The following ZCWPW2 variants were observed in gnomAD, a reference collection of about 807,000 sequenced individuals.
ZCWPW2 encodes zinc finger CW-type PWWP domain protein 2.
A neutral mutation model predicts 46.6 loss-of-function variants in ZCWPW2; 45 were observed. The ratio of observed to expected loss-of-function variants is 0.96; its 90% CI spans 0.76 to 1.24. The LOEUF (loss-of-function observed/expected upper bound fraction) is 1.24, where lower values mean the gene tolerates loss of function less well. Among genes scored for constraint, ZCWPW2 ranks in the 50% most tolerant of loss-of-function variants. The pLI is 0.00. For missense variants in ZCWPW2, 429 were observed against 403.9 expected (o/e 1.06, Z -0.53); for synonymous variants, 152 against 137.1 (o/e 1.11, Z -0.76).
At chr3:28,380,738 C>G (rs1005812238) in intron 1 of ZCWPW2, among the ~76,000 whole-genome samples, 59 of 151,512 alleles carry the variant, frequency 3.9e-4, no homozygotes, top group African/African-American at 1.4e-3. Context: ...CCATTTTTCC[C>G]TACATGGAAT....
chr3:28,408,891 G>A (rs983533492), intron 2 of ZCWPW2, among the ~76,000 whole-genome samples: 4 of 152,038 alleles, frequency 2.6e-5, no homozygotes, highest in South Asian at 4.1e-4. Flanking sequence ...TTTTGGTACA[G>A]GGAAAGACAT....
rs544936656 is a variant in ZCWPW2 at position 28,498,852 on chromosome 3, A to G, written c.657+6679A>G. Among the ~76,000 whole-genome samples, 7 of 151,830 alleles carry G rather than the reference A, an allele frequency of 4.6e-5. No homozygotes were observed. The East Asian group carries it at 1.4e-3, about 30-fold the overall frequency. ...GTGTGATGTTCCCCTCCCTGTGTCC[A>G]CGTGTTCATTGTTCAACTCCCATTT... is the stretch of plus-strand genomic sequence containing the variant. On this transcript the variant is annotated intron_variant, in intron 6 of 9. Coordinates refer to ENST00000383768, the MANE Select transcript of ZCWPW2 (RefSeq NM_001040432.4).
intron 4 of ZCWPW2, among the ~76,000 whole-genome samples, chr3:28,439,601 C>T (rs1449669858): frequency 2.6e-5 from 4 of 152,172 alleles, no homozygotes; most frequent in Admixed American, 2.6e-4. Flanking sequence ...CTCCTGAGAT[C>T]ATACATAATC....
chr3:28,509,292 T>G (rs1192603338), intron 6 of ZCWPW2, among the ~76,000 whole-genome samples: 1 of 152,184 alleles, frequency 6.6e-6, no homozygotes, highest in Non-Finnish European at 1.5e-5. Flanking sequence ...TGAACAATCA[T>G]GTACTGGTTC....
chr3:28,447,727 G>T (rs1575146088), intron 4 of ZCWPW2: 2 of 587,712 alleles, frequency 3.4e-6, no homozygotes, highest in East Asian at 3.4e-5. Flanking sequence ...CACTCAGAAT[G>T]GTCCAGCATT....
intron 1 of ZCWPW2, among the ~76,000 whole-genome samples, chr3:28,360,476 T>C (rs1704899432): frequency 1.3e-5 from 2 of 150,398 alleles, no homozygotes; most frequent in East Asian, 2.0e-4. Flanking sequence ...TGAGTCGAGA[T>C]TGCACCACGG....
At position 28,374,004 on chromosome 3, in the gene ZCWPW2, T is replaced by G. The variant is rs564001986; in HGVS notation, c.-133-16494T>G. 3.9e-5 allele frequency among the ~76,000 whole-genome samples: 6 copies of G among 152,302 alleles called. No homozygotes were observed. The East Asian group carries it at 1.2e-3, about 29-fold the overall frequency. On this transcript the variant is annotated intron_variant, in intron 1 of 9. Transcript: ENST00000383768. Reference sequence around the variant, plus strand: ...AGCTTTTTGGCTTCATGTGATCTTATTTGTTTATTTTTGCTTTTGTTGCCT... The same window carrying G: ...AGCTTTTTGGCTTCATGTGATCTTAGTTGTTTATTTTTGCTTTTGTTGCCT...
At chr3:28,424,614 A>G (rs1309011143) in intron 3 of ZCWPW2, among the ~76,000 whole-genome samples, 2 of 152,158 alleles carry the variant, frequency 1.3e-5, no homozygotes, top group Non-Finnish European at 2.9e-5. Context: ...TTGATCTTAT[A>G]TGTTAATCCC....
At position 28,524,817 on chromosome 3, in the gene ZCWPW2, C is replaced by A; in HGVS notation, c.*129C>A. 1 of 778,342 alleles carries A rather than the reference C, an allele frequency of 1.3e-6. No homozygotes were observed. Among genetic ancestry groups the A allele is most frequent in the Non-Finnish European group, 1.8e-6 (1 of 570,870 alleles). 48.2% of individuals were successfully genotyped at this position (778,342 alleles called of 1,614,324 possible). On this transcript the variant is annotated 3_prime_UTR_variant, in exon 10 of 10. Coordinates refer to ENST00000383768, the MANE Select transcript of ZCWPW2 (RefSeq NM_001040432.4). ...CAAAGTTTATATTTGCGGTAACTTTCTACTTCATATTTTGAGAATGGCCAT... is the reference window on the plus strand; with the variant it reads ...CAAAGTTTATATTTGCGGTAACTTTATACTTCATATTTTGAGAATGGCCAT...
intron 4 of ZCWPW2, among the ~76,000 whole-genome samples, chr3:28,450,491 T>C (rs1475869407): frequency 6.6e-6 from 1 of 152,252 alleles, no homozygotes; most frequent in Non-Finnish European, 1.5e-5. Flanking sequence ...AGAGCCATTA[T>C]AATTTTTCTT....
At chr3:28,465,088 G>T (rs550090495) in intron 4 of ZCWPW2, among the ~76,000 whole-genome samples, 1 of 152,274 alleles carries the variant, frequency 6.6e-6, no homozygotes, top group South Asian at 2.1e-4. Context: ...TTTTCTAAAT[G>T]TAGTTTTTAC....
chr3:28,497,603 C>T (rs968397295), intron 6 of ZCWPW2, among the ~76,000 whole-genome samples: 2 of 152,052 alleles, frequency 1.3e-5, no homozygotes, highest in Non-Finnish European at 2.9e-5. Flanking sequence ...CCCTGCTTCC[C>T]TTGAATCAGG....
intron 8 of ZCWPW2, among the ~76,000 whole-genome samples, chr3:28,518,653 AATG>A (rs1435446032): frequency 9.2e-5 from 14 of 152,198 alleles, no homozygotes; most frequent in Non-Finnish European, 1.8e-4. Context: ...GCCATTTCGC[AATG>A]ATATTTATTA....
chr3:28,355,228 A>G (rs925184836), intron 1 of ZCWPW2, among the ~76,000 whole-genome samples: 14 of 152,232 alleles, frequency 9.2e-5, no homozygotes, highest in African/African-American at 3.4e-4. Flanking sequence ...CAGTCAAATC[A>G]TGAGTGAACT....
chr3:28,403,464 C>A (rs1340993120), intron 2 of ZCWPW2, among the ~76,000 whole-genome samples: 1 of 152,064 alleles, frequency 6.6e-6, no homozygotes, highest in African/African-American at 2.4e-5. Context: ...AAAATGACCA[C>A]ACTGCCAAGA....
intron 4 of ZCWPW2, among the ~76,000 whole-genome samples, chr3:28,435,593 C>G (rs1176384284): frequency 6.7e-6 from 1 of 150,320 alleles, no homozygotes; most frequent in Non-Finnish European, 1.5e-5. Context: ...TCACGCCATT[C>G]TCCTGCCTCA....
At chr3:28,363,783 C>T (rs1705023628) in intron 1 of ZCWPW2, among the ~76,000 whole-genome samples, 1 of 152,120 alleles carries the variant, frequency 6.6e-6, no homozygotes, top group Non-Finnish European at 1.5e-5. Context: ...GCTTGCCTTT[C>T]CAACTCCTTC....
intron 9 of ZCWPW2, among the ~76,000 whole-genome samples, chr3:28,522,103 G>A (rs557308796): frequency 6.4e-4 from 98 of 152,252 alleles, no homozygotes; most frequent in African/African-American, 2.3e-3. Context: ...ATCACACACT[G>A]GGGCCTGTCA....
intron 5 of ZCWPW2, among the ~76,000 whole-genome samples, chr3:28,480,475 G>A (rs1699389287): frequency 6.6e-6 from 1 of 151,892 alleles, no homozygotes; most frequent in Admixed American, 6.6e-5. Context: ...TTTGTCAGAT[G>A]GTGGATATTA....
Sources: allele counts gnomAD v4.1 joint callset (sites outside exome capture counted in the v4.1 genomes callset), GRCh38; gene constraint gnomAD v4.1.1; transcripts MANE v1.5; gene names NCBI Gene and HGNC (gene_info 2026-07-23, HGNC 2026-07-21).